FAF2: variants seen among roughly 807,000 people sequenced by gnomAD.
FAF2 encodes FAS-associated factor 2.
In FAF2, 9 loss-of-function variants were observed where a neutral mutation model predicts 62.3. The ratio of observed to expected loss-of-function variants is 0.14; its 90% CI spans 0.09 to 0.25. FAF2 has a LOEUF of 0.25. Among genes scored for constraint, FAF2 ranks in the 10% least tolerant of loss-of-function variants. FAF2 has a pLI of 1.00. For missense variants in FAF2, 368 were observed against 556.2 expected (o/e 0.66, Z 3.40); for synonymous variants, 202 against 198.0 (o/e 1.02, Z -0.17).
intron 1 of FAF2, among the ~76,000 whole-genome samples, chr5:176,459,745 A>G (rs1237922718): frequency 6.6e-6 from 1 of 152,106 alleles, no homozygotes; most frequent in Non-Finnish European, 1.5e-5. Flanking sequence ...CTTTCATTTT[A>G]GATGAGGGGG....
rs1037553582 is a variant in FAF2, at chr5:176,494,822, C to T, written c.661+547C>T. Among the ~76,000 whole-genome samples the T allele has an allele frequency of 9.2e-5, 14 of 152,286 alleles. No homozygotes were observed. Among genetic ancestry groups the T allele is most frequent in the African/African-American group, 3.1e-4 (13 of 41,566 alleles). On this transcript the variant is annotated intron_variant, in intron 7 of 10. Coordinates refer to ENST00000261942, the MANE Select transcript of FAF2 (RefSeq NM_014613.3). This position sits in a 1 kb window ranked among gnomAD's most constrained non-coding sequence, Gnocchi z 4.0. ...TCAGCCTCCCAAAGTGCTGGGATTA[C>T]AGGTGTGAGCCACTGTGCCCCGCCA...
intron 1 of FAF2, among the ~76,000 whole-genome samples, chr5:176,451,997 G>C (rs1758196662): frequency 7.2e-6 from 1 of 138,682 alleles, no homozygotes; most frequent in Non-Finnish European, 1.5e-5. Context: ...AAACTCCTGG[G>C]CTCAAGTGAT....
At chr5:176,477,031 A>T (rs1426119411) in intron 1 of FAF2, among the ~76,000 whole-genome samples, 2 of 149,202 alleles carry the variant, frequency 1.3e-5, no homozygotes, top group Non-Finnish European at 3.0e-5. Context: ...GATGGTCTCG[A>T]TCTCCTGACT....
At chr5:176,486,826 G>A (rs1225872730) in intron 3 of FAF2, among the ~76,000 whole-genome samples, 1 of 152,154 alleles carries the variant, frequency 6.6e-6, no homozygotes, top group Admixed American at 6.5e-5. Context: ...CTTTGGCCAC[G>A]TCTTTGAAAT....
intron 10 of FAF2, among the ~76,000 whole-genome samples, chr5:176,500,553 G>A: frequency 6.6e-6 from 1 of 152,176 alleles, no homozygotes; most frequent in East Asian, 1.9e-4. Context: ...TAAAAGCACT[G>A]AAGTGACATA....
chr5:176,496,500 C>A lies in FAF2; in HGVS notation c.676C>A (p.Arg226=). 6.3e-7 allele frequency: 1 copy of A among 1,597,046 alleles called. No homozygotes were observed. Among genetic ancestry groups the A allele is most frequent in the Admixed American group, 1.8e-5 (1 of 56,936 alleles). Residue 226 remains arginine, a synonymous_variant, in exon 8 of 11, where the codon CGA becomes AGA. Transcript: ENST00000261942. ...PEGYRVSQAL[R]ENTYPFLAMI... is the part of the protein sequence containing the mutation. ...CTTTTTATCAGTCTCACAGGCTTTA[C>A]GAGAGAACACCTATCCATTCCTGGC...
chr5:176,506,207 CAAAA>C (rs1402992067), intron 10 of FAF2, among the ~76,000 whole-genome samples: 3 of 108,200 alleles, frequency 2.8e-5, no homozygotes, highest in South Asian at 4.1e-4. Flanking sequence ...AAAAAAAAAA[CAAAA>C]AAAAAAAACT....
chr5:176,470,639 A>G (rs972979438), intron 1 of FAF2, among the ~76,000 whole-genome samples: 3 of 145,902 alleles, frequency 2.1e-5, no homozygotes, highest in African/African-American at 8.4e-5. Context: ...AAACACACTC[A>G]CACACACACA....
At chr5:176,467,661 A>G (rs558558419) in intron 1 of FAF2, among the ~76,000 whole-genome samples, 30 of 152,346 alleles carry the variant, frequency 2.0e-4, no homozygotes, top group Non-Finnish European at 3.5e-4. Flanking sequence ...TGCCAGTTTT[A>G]GCTGACCTTT....
In FAF2 at chr5:176,489,046, A is replaced by G. The variant is rs751703049; in HGVS notation, c.344+19A>G. Reference sequence around the variant, plus strand: ...TATTTAGGTATGTACCTTTGGATTTATGTATTAGTAGAATAGTAAGACTTT... The same window carrying G: ...TATTTAGGTATGTACCTTTGGATTTGTGTATTAGTAGAATAGTAAGACTTT... On this transcript the variant is annotated intron_variant, in intron 4 of 10. Coordinates refer to ENST00000261942, the MANE Select transcript of FAF2 (RefSeq NM_014613.3). 9.3e-5 allele frequency: 147 copies of G among 1,587,846 alleles called. No homozygotes were observed. The highest frequency in any genetic ancestry group is 1.7e-4 in the Middle Eastern group (1 of 5,918).
chr5:176,484,438 TAGTC>T (rs1044113958), intron 2 of FAF2, among the ~76,000 whole-genome samples: 6 of 152,226 alleles, frequency 3.9e-5, no homozygotes, highest in African/African-American at 7.2e-5. Flanking sequence ...ACCCACCTGT[TAGTC>T]AGTTAGTAGC....
chr5:176,492,406 C>G (rs1758987938), intron 5 of FAF2, 74 bp downstream of exon 5: 1 of 1,451,744 alleles, frequency 6.9e-7, no homozygotes. Flanking sequence ...CAGCCCAGCA[C>G]TGATCATGTC....
chr5:176,450,320 C>G (rs1230265339), intron 1 of FAF2, among the ~76,000 whole-genome samples: 2 of 152,094 alleles, frequency 1.3e-5, no homozygotes, highest in Non-Finnish European at 2.9e-5. Flanking sequence ...AACAGACAAC[C>G]AGCTTACACT....
intron 5 of FAF2, among the ~76,000 whole-genome samples, chr5:176,492,613 T>C (rs1336894712): frequency 6.6e-6 from 1 of 152,198 alleles, no homozygotes; most frequent in East Asian, 1.9e-4. Context: ...TGCCTACCTC[T>C]GTGCCTTTGC....
intron 1 of FAF2, among the ~76,000 whole-genome samples, chr5:176,456,011 T>C (rs1194501701): frequency 2.0e-5 from 3 of 152,304 alleles, no homozygotes; most frequent in East Asian, 3.9e-4. Context: ...CTTTGTCTTA[T>C]AGAGATATGA....
intron 1 of FAF2, among the ~76,000 whole-genome samples, chr5:176,458,811 A>G (rs533849765): frequency 9.2e-5 from 14 of 152,066 alleles, no homozygotes; most frequent in Non-Finnish European, 1.6e-4. Flanking sequence ...TTACATTTTT[A>G]CCCTTTCTAT....
At chr5:176,506,696 TGCGTGTGTGC>T in intron 10 of FAF2, 62 bp from the exon 11 acceptor site, 2 of 131,330 alleles carry the variant, frequency 1.5e-5, no homozygotes, top group Non-Finnish European at 1.2e-5. Flanking sequence ...GAGTTGTGTG[TGCGTGTGTGC>T]GTGTGTGTGT....
intron 5 of FAF2, 44 bp from the exon 6 acceptor site, chr5:176,493,955 A>G (rs757306178): frequency 8.8e-6 from 12 of 1,359,506 alleles, no homozygotes; most frequent in Non-Finnish European, 1.3e-5. Flanking sequence ...TATAAGCTCA[A>G]GGCACAGTCT....
At chr5:176,483,297 C>T (rs778773681) in intron 2 of FAF2, among the ~76,000 whole-genome samples, 7 of 152,024 alleles carry the variant, frequency 4.6e-5, no homozygotes, top group Admixed American at 6.6e-5. Context: ...TCTTTTGTCG[C>T]GTGTGCTTTT....
Sources: gnomAD v4.1 joint callset for allele counts (sites outside exome capture counted in the v4.1 genomes callset) on GRCh38, gnomAD v4.1.1 for gene constraint, Gnocchi (gnomAD v3.1) non-coding constraint, MANE v1.5 for transcripts, NCBI Gene and HGNC (gene_info 2026-07-23, HGNC 2026-07-21) for gene names.